Variants in WNT7A observed in about 807,000 individuals in gnomAD.
WNT7A encodes Wnt family member 7A, also known as protein Wnt-7a.
Under a neutral mutation model 28.2 loss-of-function variants are expected in WNT7A, and 16 were observed. The observed-to-expected ratio is 0.57, with a 90% confidence interval of 0.38 to 0.86. The LOEUF is 0.86. Among genes scored for constraint, WNT7A ranks in the 40% least tolerant of loss-of-function variants. The probability of loss-of-function intolerance (pLI) is 0.00; values close to 1 mark genes in which losing one functional copy is unlikely to be tolerated. For missense variants in WNT7A, 411 were observed against 489.7 expected, an observed-to-expected ratio of 0.84 and a Z score of 1.52; for synonymous variants, 190 against 195.9, an observed-to-expected ratio of 0.97 and a Z score of 0.25.
At chr3:13,846,268 A>T (rs1694537213) in intron 3 of WNT7A, among the ~76,000 whole-genome samples, 1 of 152,256 alleles carries the variant, frequency 6.6e-6, no homozygotes. Flanking sequence ...AAATCAGAGC[A>T]TCTGTGAATC....
chr3:13,858,964 C>T (rs1694788886), intron 2 of WNT7A, among the ~76,000 whole-genome samples: 1 of 152,174 alleles, frequency 6.6e-6, no homozygotes, highest in South Asian at 2.1e-4. Flanking sequence ...TTTGACCCTT[C>T]GTTGCTTCCT....
rs745600145 is a variant in WNT7A at position 13,854,797 on chromosome 3, C to T, written c.305G>A (p.Arg102Gln). ...VFGKELKVGSREAAFTYAIIA... is the reference protein window; with the variant it reads ...VFGKELKVGSQEAAFTYAIIA... ...GATGGCGTAGGTGAACGCAGCCTCC[C>T]GGCTCCCTGCGAGGAGGAGAGAAGA... The change falls in exon 3 of 4, where the codon CGG becomes CAG. Residue 102 changes from arginine to glutamine, a missense_variant. Transcript: ENST00000285018. 6.2e-6 allele frequency: 10 copies of T among 1,612,252 alleles called. No individual in the cohort carries two copies. The East Asian group carries it at 8.9e-5, about 14-fold the overall frequency.
chr3:13,863,589 C>T (rs1452913631), intron 2 of WNT7A: 1 of 151,208 alleles, frequency 6.6e-6, no homozygotes, highest in African/African-American at 2.4e-5. Context: ...TGAACTGAGG[C>T]TTGCAAAAAA....
At chr3:13,857,214 C>A (rs376327408) in intron 2 of WNT7A, among the ~76,000 whole-genome samples, 21 of 152,298 alleles carry the variant, frequency 1.4e-4, no homozygotes, top group Non-Finnish European at 2.2e-4. Context: ...GCTGTCTCAG[C>A]CACAGGTTGA....
intron 3 of WNT7A, among the ~76,000 whole-genome samples, chr3:13,827,017 T>C (rs2196030): frequency 0.7 from 106,239 of 152,074 alleles, 38,042 homozygotes; most frequent in East Asian, 0.89. Flanking sequence ...GCTGGAGCTG[T>C]TCAGCCTGGA....
intron 3 of WNT7A, among the ~76,000 whole-genome samples, chr3:13,833,369 G>GCA (rs1694313033): frequency 1.3e-5 from 2 of 152,098 alleles, no homozygotes; most frequent in South Asian, 2.1e-4. Flanking sequence ...CGGCACACAA[G>GCA]CGCACACACA....
At chr3:13,846,440 C>CG (rs762080834) in intron 3 of WNT7A, among the ~76,000 whole-genome samples, 1 of 152,162 alleles carries the variant, frequency 6.6e-6, no homozygotes, top group Non-Finnish European at 1.5e-5. Flanking sequence ...CACCTGCCAG[C>CG]TGTGTGGCAT....
chr3:13,828,418 T>C (rs1219045618), intron 3 of WNT7A, among the ~76,000 whole-genome samples: 3 of 152,224 alleles, frequency 2.0e-5, no homozygotes, highest in Admixed American at 6.5e-5. Context: ...CCAAGACCAC[T>C]GTGTTCCAGG....
intron 3 of WNT7A, among the ~76,000 whole-genome samples, chr3:13,836,594 T>C (rs1694374618): frequency 6.6e-6 from 1 of 152,216 alleles, no homozygotes; most frequent in African/African-American, 2.4e-5. Flanking sequence ...AACCTCCCAC[T>C]GCAGGGCCTG....
chr3:13,837,797 C>T (rs898519822), intron 3 of WNT7A, among the ~76,000 whole-genome samples: 1 of 152,134 alleles, frequency 6.6e-6, no homozygotes, highest in Non-Finnish European at 1.5e-5. Context: ...GCTGCCTGGG[C>T]CCCAGCAAGG....
At chr3:13,870,247 T>C (rs1575074981) in intron 2 of WNT7A, among the ~76,000 whole-genome samples, 1 of 152,258 alleles carries the variant, frequency 6.6e-6, no homozygotes, top group South Asian at 2.1e-4. Context: ...AATGAGACTG[T>C]TAGTGTGGGC....
At chr3:13,870,764 C>A (rs1316852305) in intron 2 of WNT7A, among the ~76,000 whole-genome samples, 1 of 152,246 alleles carries the variant, frequency 6.6e-6, no homozygotes, top group Non-Finnish European at 1.5e-5. Context: ...CAAAGGCCGT[C>A]CCGCTGCCCC....
intron 2 of WNT7A, among the ~76,000 whole-genome samples, chr3:13,874,284 C>T (rs1386006329): frequency 6.6e-6 from 1 of 152,230 alleles, no homozygotes; most frequent in Admixed American, 6.5e-5. Context: ...TCCTGGAGAC[C>T]AGCATTGCTC....
chr3:13,845,452 C>A (rs1371426230), intron 3 of WNT7A, among the ~76,000 whole-genome samples: 1 of 152,216 alleles, frequency 6.6e-6, no homozygotes, highest in African/African-American at 2.4e-5. Flanking sequence ...ATTTAAGTAG[C>A]CCTATGTGGC....
chr3:13,831,897 T>C (rs1231889930), intron 3 of WNT7A, among the ~76,000 whole-genome samples: 1 of 152,096 alleles, frequency 6.6e-6, no homozygotes, highest in Non-Finnish European at 1.5e-5. Context: ...CCAGGACCTG[T>C]CCTGCTTGCA....
In WNT7A at chr3:13,818,933, G is replaced by A; in HGVS notation, c.*11C>T. ...CTGACTTGCAGCGGGAGGGTGGTGTGCACACGGGGCTCACTTGCACGTGTA... is the reference window on the plus strand; with the variant it reads ...CTGACTTGCAGCGGGAGGGTGGTGTACACACGGGGCTCACTTGCACGTGTA... On this transcript the variant is annotated 3_prime_UTR_variant, in exon 4 of 4. Coordinates refer to ENST00000285018, the MANE Select transcript of WNT7A (RefSeq NM_004625.4). 3 of 1,558,440 alleles carry A rather than the reference G, an allele frequency of 1.9e-6. No homozygotes were observed. Among genetic ancestry groups the A allele is most frequent in the Non-Finnish European group, 2.6e-6 (3 of 1,146,250 alleles).
intron 2 of WNT7A, among the ~76,000 whole-genome samples, chr3:13,866,496 A>C (rs1457680537): frequency 6.6e-6 from 1 of 152,250 alleles, no homozygotes; most frequent in African/African-American, 2.4e-5. Flanking sequence ...TACATCCTGG[A>C]GTAACAAAGT....
At chr3:13,869,128 TGAAAGAAA>T (rs1383478625) in intron 2 of WNT7A, among the ~76,000 whole-genome samples, 1 of 83,056 alleles carries the variant, frequency 1.2e-5, no homozygotes, top group African/African-American at 4.9e-5. Flanking sequence ...GAGGGAGGAA[TGAAAGAAA>T]GAAGGAAGGA....
At position 13,818,351 on chromosome 3, in the gene WNT7A, C is replaced by CGAAAA. The variant is rs575789769; in HGVS notation, c.*592_*593insTTTTC. 3 of 79,950 alleles carry CGAAAA rather than the reference C, an allele frequency of 3.8e-5. No homozygotes were observed. Among genetic ancestry groups the CGAAAA allele is most frequent in the Non-Finnish European group, 4.9e-5 (2 of 40,526 alleles). The allele number at this position is 79,950 out of a possible 1,614,324, so 5.0% of individuals were successfully genotyped here. A position where few individuals can be genotyped will look rare whatever the true frequency, so the allele number is the denominator to read the frequency against. Reference sequence around the variant, plus strand: ...TTTCTGGATAAGTAGCAGCAAACAGCAAAAAAAAAAAAAAAAATGTGTGTG... The same window carrying CGAAAA: ...TTTCTGGATAAGTAGCAGCAAACAGCGAAAAAAAAAAAAAAAAAAAAATGTGTGTG... On this transcript the variant is annotated 3_prime_UTR_variant, in exon 4 of 4. Coordinates refer to ENST00000285018, the MANE Select transcript of WNT7A (RefSeq NM_004625.4).
Sources: gnomAD v4.1 joint callset for allele counts (sites outside exome capture counted in the v4.1 genomes callset) on GRCh38, gnomAD v4.1.1 for gene constraint, MANE v1.5 for transcripts, NCBI Gene and HGNC (gene_info 2026-07-23, HGNC 2026-07-21) for gene names.